Variants in HACD4 observed in about 807,000 individuals in gnomAD.
HACD4 encodes 3-hydroxyacyl-CoA dehydratase 4, also known as very-long-chain (3R)-3-hydroxyacyl-CoA dehydratase 4.
HACD4 carries 35 observed loss-of-function variants against 33.3 expected under a neutral mutation model. The ratio of observed to expected loss-of-function variants is 1.05; its 90% CI spans 0.80 to 1.39. The LOEUF (loss-of-function observed/expected upper bound fraction) is 1.39, where lower values mean the gene tolerates loss of function less well. Among genes scored for constraint, HACD4 ranks in the 40% most tolerant of loss-of-function variants. The pLI, the probability that HACD4 is intolerant of heterozygous loss-of-function variation, is 0.00. For missense variants in HACD4, 323 were observed against 276.5 expected (o/e 1.17, Z -1.19); for synonymous variants, 118 against 98.0 (o/e 1.20, Z -1.21).
At chr9:21,021,035 C>T (rs1817895472) in intron 3 of HACD4, among the ~76,000 whole-genome samples, 1 of 152,158 alleles carries the variant, frequency 6.6e-6, no homozygotes, top group African/African-American at 2.4e-5. Flanking sequence ...CCACCACGAT[C>T]AAGTTGGCTT....
chr9:21,010,170 A>G lies in HACD4; in HGVS notation c.490+1419T>C, dbSNP rs143791263. ...ATGTTTTTCCCTTAGTTACCTTAAC[A>G]TGCTTTCTTATTTTATGTCTTCAGT... On this transcript the variant is annotated intron_variant, in intron 5 of 6. Transcript: ENST00000495827. Among the ~76,000 whole-genome samples, 396 of 152,308 alleles carry G rather than the reference A, an allele frequency of 2.6e-3. 2 individuals are homozygous for G. Among genetic ancestry groups the G allele is most frequent in the African/African-American group, 9.3e-3 (385 of 41,568 alleles).
chr9:21,021,180 C>G (rs1011793775), intron 3 of HACD4, among the ~76,000 whole-genome samples: 41 of 152,100 alleles, frequency 2.7e-4, no homozygotes, highest in Admixed American at 6.5e-4. Context: ...ATTCAGCAGC[C>G]CTTCATGCTA....
At chr9:21,024,776 G>C (rs908763608) in intron 3 of HACD4, among the ~76,000 whole-genome samples, 3 of 152,128 alleles carry the variant, frequency 2.0e-5, no homozygotes, top group African/African-American at 7.2e-5. Context: ...CATGAAACTA[G>C]TAGCAGCCAC....
rs1163576624 is a variant in HACD4 at position 21,026,593 on chromosome 9, T to G, written c.270+3A>C. 6.2e-7 allele frequency: 1 copy of G among 1,607,682 alleles called. No individual in the cohort carries two copies. The highest frequency in any genetic ancestry group is 8.5e-7 in the Non-Finnish European group (1 of 1,176,476). On this transcript the variant is annotated splice_donor_region_variant and intron_variant, in intron 3 of 6. Coordinates refer to ENST00000495827, the MANE Select transcript of HACD4 (RefSeq NM_001010915.5). ...TCTATAATAATATGTGATTCAAACC[T>G]ACCTGCAAAAACCTTGGGAGAAGAT...
intron 3 of HACD4, among the ~76,000 whole-genome samples, chr9:21,026,180 G>A (rs1259197403): frequency 6.6e-6 from 1 of 152,198 alleles, no homozygotes; most frequent in African/African-American, 2.4e-5. Flanking sequence ...TATTTGTGGT[G>A]TCCTTTCCCT....
chr9:21,029,122 A>T (rs533884380), intron 2 of HACD4, among the ~76,000 whole-genome samples, 173 bp downstream of exon 2: 1 of 152,280 alleles, frequency 6.6e-6, no homozygotes, highest in Admixed American at 6.5e-5. Flanking sequence ...TCCCTTACTT[A>T]TCCCACCTTC....
At position 21,001,112 on chromosome 9, in the gene HACD4, A is replaced by T. The variant is rs1842160566; in HGVS notation, c.*5925T>A. ...CAAAAACAAAAACTATCTCTGAAAA[A>T]GACTTGATGGTGGATCCACTAAAGG... On this transcript the variant is annotated 3_prime_UTR_variant, in exon 7 of 7. Transcript: ENST00000495827. 1 of 152,116 alleles carries T rather than the reference A, an allele frequency of 6.6e-6. No homozygotes were observed. Among genetic ancestry groups the T allele is most frequent in the South Asian group, 2.1e-4 (1 of 4,834 alleles). 9.4% of individuals were successfully genotyped at this position (152,116 alleles called of 1,614,324 possible).
intron 3 of HACD4, among the ~76,000 whole-genome samples, chr9:21,019,230 TATTAC>T (rs1817836705): frequency 6.6e-6 from 1 of 152,094 alleles, no homozygotes; most frequent in Admixed American, 6.6e-5. Flanking sequence ...ATGATATTTA[TATTAC>T]ACTTGGTGAA....
intron 4 of HACD4, among the ~76,000 whole-genome samples, 153 bp from the exon 5 acceptor site, chr9:21,011,848 TGG>T (rs1842446779): frequency 6.6e-6 from 1 of 152,128 alleles, no homozygotes; most frequent in Non-Finnish European, 1.5e-5. Flanking sequence ...TTTTTTTAAA[TGG>T]GGGAAAGGGA....
chr9:21,031,504 G>A, intron 1 of HACD4, 49 bp downstream of exon 1: 1 of 1,448,070 alleles, frequency 6.9e-7, no homozygotes, highest in Non-Finnish European at 9.0e-7. Flanking sequence ...CCCGCCTCCA[G>A]GCCCTCCACC....
chr9:21,031,426 G>A, intron 1 of HACD4, 127 bp downstream of exon 1: 1 of 1,325,472 alleles, frequency 7.5e-7, no homozygotes, highest in Non-Finnish European at 9.6e-7. Flanking sequence ...GGGTGCCTGG[G>A]CACGGTAGCG....
chr9:21,012,732 CATATT>C (rs2132774748), intron 4 of HACD4, among the ~76,000 whole-genome samples: 1 of 152,214 alleles, frequency 6.6e-6, no homozygotes, highest in South Asian at 2.1e-4. Context: ...TTTTTCCCCT[CATATT>C]AGAAGAGTGG....
intron 3 of HACD4, among the ~76,000 whole-genome samples, chr9:21,020,965 T>C (rs892633132): frequency 6.6e-6 from 1 of 152,164 alleles, no homozygotes; most frequent in African/African-American, 2.4e-5. Context: ...AAGATGTGCA[T>C]GTAAAACATT....
intron 1 of HACD4, 51 bp from the exon 2 acceptor site, chr9:21,029,449 C>A: frequency 8.7e-7 from 1 of 1,145,510 alleles, no homozygotes; most frequent in South Asian, 1.4e-5. Context: ...ATCATCCTTT[C>A]ATCACTGTAC....
rs1842255243 is a variant in HACD4, at chr9:21,005,769, G to A, written c.*1268C>T. 1 of 152,264 alleles carries A rather than the reference G, an allele frequency of 6.6e-6. No homozygotes were observed. The highest frequency in any genetic ancestry group is 1.5e-5 in the Non-Finnish European group (1 of 68,094). The allele number at this position is 152,264 out of a possible 1,614,324, so 9.4% of individuals were successfully genotyped here. On this transcript the variant is annotated 3_prime_UTR_variant, in exon 7 of 7. Transcript: ENST00000495827. The surrounding 1 kb of genome is among the most constrained non-coding windows in gnomAD (Gnocchi z 4.0). Reference sequence around the variant, plus strand: ...ACTGGGTCCTGAAGCCAGAGTATCAGGCCAAAGAGGATTATTACTAAGACT... The same window carrying A: ...ACTGGGTCCTGAAGCCAGAGTATCAAGCCAAAGAGGATTATTACTAAGACT...
In HACD4 at chr9:21,029,411, G is replaced by A; in HGVS notation, c.39-13C>T. 1 of 1,444,392 alleles carries A rather than the reference G, an allele frequency of 6.9e-7. No individual in the cohort carries two copies. The highest frequency in any genetic ancestry group is 1.2e-5 in the South Asian group (1 of 83,228). The allele number at this position is 1,444,392 out of a possible 1,614,324, so 89.5% of individuals were successfully genotyped here. A position where few individuals can be genotyped will look rare whatever the true frequency, so the allele number is the denominator to read the frequency against. On this transcript the variant is annotated splice_polypyrimidine_tract_variant and intron_variant, in intron 1 of 6. Coordinates refer to ENST00000495827, the MANE Select transcript of HACD4 (RefSeq NM_001010915.5). ...ATTCTTCCTATACCTATAAATACAGGAAAATACCATTAAACACTTCTTTTA... is the reference window on the plus strand; with the variant it reads ...ATTCTTCCTATACCTATAAATACAGAAAAATACCATTAAACACTTCTTTTA...
intron 2 of HACD4, among the ~76,000 whole-genome samples, chr9:21,028,851 G>T (rs377668936): frequency 3.9e-4 from 60 of 152,254 alleles, no homozygotes; most frequent in Middle Eastern, 3.4e-3. Context: ...CCAAATAGAG[G>T]CTTGGGGAAT....
chr9:21,007,146 G>T, intron 6 of HACD4, 27 bp from the exon 7 acceptor site: 1 of 1,132,132 alleles, frequency 8.8e-7, no homozygotes, highest in Non-Finnish European at 1.3e-6. Context: ...AGTTGCAAAA[G>T]TAAGTAAGGT....
intron 3 of HACD4, among the ~76,000 whole-genome samples, chr9:21,022,767 G>T (rs1817954669): frequency 6.6e-6 from 1 of 151,910 alleles, no homozygotes; most frequent in African/African-American, 2.4e-5. Context: ...TACACTGTTG[G>T]TGGGACTGTA....
Sources: gnomAD v4.1 joint callset for allele counts (sites outside exome capture counted in the v4.1 genomes callset) on GRCh38, gnomAD v4.1.1 for gene constraint, Gnocchi (gnomAD v3.1) non-coding constraint, MANE v1.5 for transcripts, NCBI Gene and HGNC (gene_info 2026-07-23, HGNC 2026-07-21) for gene names.